The following STPG2 variants were observed in gnomAD, a reference collection of about 807,000 sequenced individuals.
STPG2 encodes sperm tail PG-rich repeat containing 2.
A neutral mutation model predicts 54.2 loss-of-function variants in STPG2; 56 were observed. The observed-to-expected ratio is 1.03, with a 90% CI of 0.83 to 1.29. STPG2 has a LOEUF of 1.29. STPG2 is among the 50% of genes most tolerant of loss of function. STPG2 has a pLI of 0.00. For missense variants in STPG2, 596 were observed against 544.9 expected (o/e 1.09, Z -0.93); for synonymous variants, 200 against 181.8 (o/e 1.10, Z -0.81).
At chr4:97,797,560 CTT>C (rs1365346519) in intron 9 of STPG2, among the ~76,000 whole-genome samples, 4 of 152,142 alleles carry the variant, frequency 2.6e-5, no homozygotes, top group Non-Finnish European at 5.9e-5. Flanking sequence ...AGTGGATAAA[CTT>C]TTTGATGTGC....
intron 8 of STPG2, among the ~76,000 whole-genome samples, chr4:97,878,119 G>A (rs961383506): frequency 2.6e-5 from 4 of 152,162 alleles, no homozygotes; most frequent in African/African-American, 9.7e-5. Flanking sequence ...GCAAGAGGTG[G>A]GTCCCCATGG....
intron 8 of STPG2, among the ~76,000 whole-genome samples, chr4:97,936,505 G>C (rs1732751196): frequency 6.6e-6 from 1 of 152,148 alleles, no homozygotes; most frequent in Admixed American, 6.5e-5. Flanking sequence ...TGTTTTTAGA[G>C]TGGCTGGTAC....
At chr4:97,585,119 A>C (rs1190333969) in intron 10 of STPG2, among the ~76,000 whole-genome samples, 7 of 127,620 alleles carry the variant, frequency 5.5e-5, no homozygotes, top group Non-Finnish European at 9.0e-5. Context: ...AAAAAAAAAA[A>C]AAAAACAAAA....
intron 9 of STPG2, among the ~76,000 whole-genome samples, chr4:97,807,619 C>T (rs1727610639): frequency 2.0e-5 from 3 of 151,178 alleles, no homozygotes; most frequent in African/African-American, 7.3e-5. Flanking sequence ...CAAAATGAAA[C>T]ATGGGGGAAC....
At chr4:97,478,873 ATGTGTGTGTGTGTGTGTGTGTG>A (rs35662485) in intron 4 of STPG2, among the ~76,000 whole-genome samples, 2 of 133,956 alleles carry the variant, frequency 1.5e-5, no homozygotes, top group African/African-American at 5.5e-5. Flanking sequence ...CAAGCCAAAT[ATGTGTGTGTGTGTGTGTGTGTG>A]TGTGTGTGTG....
intron 9 of STPG2, among the ~76,000 whole-genome samples, chr4:97,819,704 T>TA (rs750073222): frequency 5.3e-4 from 81 of 152,214 alleles, no homozygotes; most frequent in Non-Finnish European, 8.1e-4. Flanking sequence ...TTTTAACATT[T>TA]AAATATTTTG....
At chr4:97,988,124 A>G (rs1734884220) in intron 5 of STPG2, among the ~76,000 whole-genome samples, 1 of 151,566 alleles carries the variant, frequency 6.6e-6, no homozygotes, top group African/African-American at 2.4e-5. Flanking sequence ...TTTGCTACAT[A>G]TCTTCCTCAA....
At chr4:97,886,045 G>A (rs1247098288) in intron 8 of STPG2, among the ~76,000 whole-genome samples, 2 of 152,122 alleles carry the variant, frequency 1.3e-5, no homozygotes, top group African/African-American at 4.8e-5. Flanking sequence ...AAAGATCAAA[G>A]TGTATGTATA....
chr4:98,109,569 C>T (rs1739287126), intron 3 of STPG2, among the ~76,000 whole-genome samples: 1 of 152,074 alleles, frequency 6.6e-6, no homozygotes, highest in African/African-American at 2.4e-5. Flanking sequence ...CAGCTTTGCT[C>T]TTGGCAGTAC....
intron 8 of STPG2, among the ~76,000 whole-genome samples, chr4:97,870,376 G>T (rs1007638131): frequency 1.3e-5 from 2 of 151,068 alleles, no homozygotes; most frequent in Non-Finnish European, 3.0e-5. Context: ...TTTTCATATA[G>T]GTAACAAAAT....
intron 9 of STPG2, among the ~76,000 whole-genome samples, chr4:97,741,367 T>C (rs1177738210): frequency 6.6e-6 from 1 of 152,088 alleles, no homozygotes; most frequent in African/African-American, 2.4e-5. Context: ...ACAAATGGGA[T>C]CTCATTAAAC....
At chr4:97,518,844 C>A (rs769402173) in intron 4 of STPG2, among the ~76,000 whole-genome samples, 8 of 152,084 alleles carry the variant, frequency 5.3e-5, no homozygotes, top group Non-Finnish European at 1.0e-4. Flanking sequence ...ATCCTGGCTC[C>A]CTACCAGCTC....
At chr4:97,564,263 T>A (rs1578391525) in intron 10 of STPG2, among the ~76,000 whole-genome samples, 2 of 152,082 alleles carry the variant, frequency 1.3e-5, no homozygotes, top group African/African-American at 4.8e-5. Flanking sequence ...AACCCCTGCC[T>A]TTTTTTGTTT....
In STPG2 at chr4:97,819,295, A is replaced by C. The variant is rs1275487314; in HGVS notation, c.1204+21478T>G. 2.6e-5 allele frequency among the ~76,000 whole-genome samples: 4 copies of C among 152,190 alleles called. No homozygotes were observed. In the East Asian group the frequency reaches 7.7e-4, roughly 29 times the overall value. ...ACTTTCTAGTACTTCTGAAGCTAGA[A>C]TATTATAAGTCACTGAGAAAACAGA... is the stretch of plus-strand genomic sequence containing the variant. On this transcript the variant is annotated intron_variant, in intron 9 of 10. Coordinates refer to ENST00000295268, the MANE Select transcript of STPG2 (RefSeq NM_174952.3).
At chr4:97,479,686 G>A (rs1578330803) in intron 4 of STPG2, among the ~76,000 whole-genome samples, 2 of 151,954 alleles carry the variant, frequency 1.3e-5, no homozygotes, top group East Asian at 3.9e-4. Context: ...GAATATCTGT[G>A]ACTAATGTAA....
intron 8 of STPG2, among the ~76,000 whole-genome samples, chr4:97,923,217 C>T (rs555932888): frequency 2.0e-4 from 30 of 152,380 alleles, no homozygotes; most frequent in Middle Eastern, 3.4e-3. Flanking sequence ...TGGCCCAGGC[C>T]GGAGCCAGCT....
At chr4:98,069,513 A>C (rs929255275) in intron 5 of STPG2, among the ~76,000 whole-genome samples, 1 of 152,072 alleles carries the variant, frequency 6.6e-6, no homozygotes, top group South Asian at 2.1e-4. Flanking sequence ...ACAGATGCCT[A>C]AAGAGCAGTA....
At position 97,651,700 on chromosome 4, in the gene STPG2, T is replaced by G. The variant is rs538990715; in HGVS notation, c.1320+60999A>C. 3.3e-5 allele frequency among the ~76,000 whole-genome samples: 5 copies of G among 151,976 alleles called. No individual in the cohort carries two copies. In the South Asian group the frequency reaches 1.0e-3, roughly 31 times the overall value. On this transcript the variant is annotated intron_variant, in intron 10 of 10. Coordinates refer to ENST00000295268, the MANE Select transcript of STPG2 (RefSeq NM_174952.3). Reference sequence around the variant, plus strand: ...GATAACATGATAAAAGCAAAGAAGATAGGAGATGGTTGACAGGATAGTAAA... The same window carrying G: ...GATAACATGATAAAAGCAAAGAAGAGAGGAGATGGTTGACAGGATAGTAAA...
intron 5 of STPG2, among the ~76,000 whole-genome samples, chr4:98,089,449 T>C (rs1234016253): frequency 6.6e-6 from 1 of 152,066 alleles, no homozygotes; most frequent in Admixed American, 6.6e-5. Flanking sequence ...GTCCTCTCGT[T>C]GGTCGATGGG....
Sources: allele counts gnomAD v4.1 joint callset (sites outside exome capture counted in the v4.1 genomes callset), GRCh38; gene constraint gnomAD v4.1.1; transcripts MANE v1.5; gene names NCBI Gene and HGNC (gene_info 2026-07-23, HGNC 2026-07-21).